Variants in DAB1 observed in about 807,000 individuals in gnomAD.
The protein encoded by DAB1 is disabled homolog 1.
In DAB1, 15 loss-of-function variants were observed where a neutral mutation model predicts 64.6. The observed-to-expected ratio is 0.23, with a 90% confidence interval of 0.16 to 0.36. The LOEUF (loss-of-function observed/expected upper bound fraction) is 0.36, where lower values mean the gene tolerates loss of function less well. Among genes scored for constraint, DAB1 ranks in the 10% least tolerant of loss-of-function variants. The pLI is 1.00. For missense variants in DAB1, 596 were observed against 706.7 expected (o/e 0.84, Z 1.78); for synonymous variants, 235 against 251.9 (o/e 0.93, Z 0.64).
chr1:58,338,950 G>A (rs909531957), intron 4 of DAB1, among the ~76,000 whole-genome samples: 17 of 152,144 alleles, frequency 1.1e-4, no homozygotes, highest in African/African-American at 4.8e-5. Flanking sequence ...GAAATATCCA[G>A]AATAGGTAAA....
chr1:57,032,654 C>A (rs1436654676), intron 9 of DAB1, among the ~76,000 whole-genome samples: 1 of 152,124 alleles, frequency 6.6e-6, no homozygotes, highest in Non-Finnish European at 1.5e-5. Context: ...TGGTTCCCAC[C>A]CCTAAAGATT....
chr1:58,042,501 A>G (rs1647151604), intron 5 of DAB1, among the ~76,000 whole-genome samples: 1 of 152,200 alleles, frequency 6.6e-6, no homozygotes, highest in African/African-American at 2.4e-5. Context: ...AGCAGGTTGT[A>G]CACACCCAAA....
chr1:57,363,842 C>T (rs1417232481), intron 1 of DAB1, among the ~76,000 whole-genome samples: 1 of 152,174 alleles, frequency 6.6e-6, no homozygotes, highest in Non-Finnish European at 1.5e-5. Context: ...TGTTCCACTG[C>T]ACCAGCTGCT....
At chr1:57,161,517 C>G (rs1223451151) in intron 2 of DAB1, among the ~76,000 whole-genome samples, 1 of 152,154 alleles carries the variant, frequency 6.6e-6, no homozygotes, top group Non-Finnish European at 1.5e-5. Flanking sequence ...CAACTTGCTT[C>G]CCTTTGGCTA....
chr1:57,794,510 T>C (rs551665529), intron 6 of DAB1, among the ~76,000 whole-genome samples: 2 of 152,332 alleles, frequency 1.3e-5, no homozygotes, highest in South Asian at 4.1e-4. Flanking sequence ...CAGCTTATCC[T>C]ACAAGCCTCA....
Position 58,332,835 on chromosome 1 carries a change from T to C in DAB1, n.309+10517A>G, listed in dbSNP as rs756563934. Among the ~76,000 whole-genome samples the C allele has an allele frequency of 3.9e-5, 6 of 152,216 alleles. No individual in the cohort carries two copies. The East Asian group carries it at 7.7e-4, about 20-fold the overall frequency. Reference sequence around the variant, plus strand: ...AGGTTGTCAGCTTTATTTTCTCTCATACTTTCATTCTCAAGGGAGGAAATA... The same window carrying C: ...AGGTTGTCAGCTTTATTTTCTCTCACACTTTCATTCTCAAGGGAGGAAATA... On this transcript the variant is annotated intron_variant and non_coding_transcript_variant, in intron 4 of 20. Transcript: ENST00000485760.
chr1:57,519,307 A>T (rs1454822554), intron 7 of DAB1, among the ~76,000 whole-genome samples: 1 of 152,182 alleles, frequency 6.6e-6, no homozygotes, highest in Non-Finnish European at 1.5e-5. Flanking sequence ...GGGCAAGTTG[A>T]GATAAGCCTG....
At chr1:57,771,728 A>G (rs1467534835) in intron 6 of DAB1, among the ~76,000 whole-genome samples, 3 of 152,044 alleles carry the variant, frequency 2.0e-5, no homozygotes, top group African/African-American at 7.2e-5. Context: ...TTTTATTATA[A>G]TGTTTTCAGT....
intron 1 of DAB1, among the ~76,000 whole-genome samples, chr1:57,882,531 C>G (rs1644160394): frequency 3.3e-5 from 5 of 152,200 alleles, no homozygotes; most frequent in Admixed American, 2.6e-4. Flanking sequence ...CCCTCAGCAT[C>G]TAGCCTAGCT....
intron 1 of DAB1, among the ~76,000 whole-genome samples, chr1:57,294,047 T>G (rs1672996138): frequency 6.6e-6 from 1 of 152,184 alleles, no homozygotes; most frequent in Admixed American, 6.5e-5. Context: ...TGGCATCCCC[T>G]TTAATTTTCC....
intron 7 of DAB1, among the ~76,000 whole-genome samples, chr1:57,449,816 T>A (rs1686284777): frequency 6.6e-6 from 1 of 152,230 alleles, no homozygotes; most frequent in Non-Finnish European, 1.5e-5. Flanking sequence ...GTGTCTATTA[T>A]CTTTATCCAG....
At chr1:58,075,461 G>A (rs1372146927) in intron 5 of DAB1, among the ~76,000 whole-genome samples, 1 of 152,186 alleles carries the variant, frequency 6.6e-6, no homozygotes, top group Non-Finnish European at 1.5e-5. Context: ...AGTTACTGTG[G>A]AGGCCTGTGT....
chr1:58,330,452 T>C (rs1302391564), intron 4 of DAB1, among the ~76,000 whole-genome samples: 1 of 152,242 alleles, frequency 6.6e-6, no homozygotes, highest in Non-Finnish European at 1.5e-5. Flanking sequence ...CTAGCTAAGA[T>C]AATTTATGAA....
intron 2 of DAB1, among the ~76,000 whole-genome samples, chr1:57,189,839 G>A (rs1457279633): frequency 8.1e-6 from 1 of 123,036 alleles, no homozygotes; most frequent in Non-Finnish European, 1.9e-5. Flanking sequence ...ATTGCAAAGG[G>A]AAGGGGAAAA....
At chr1:57,844,863 G>T (rs72666110) in intron 1 of DAB1, among the ~76,000 whole-genome samples, 10,981 of 152,130 alleles carry the variant, frequency 0.072, 640 homozygotes, top group Admixed American at 0.21. Flanking sequence ...CACCTGCCCA[G>T]GTAACAGTTA....
chr1:57,984,918 T>TG (rs1191559377), intron 5 of DAB1, among the ~76,000 whole-genome samples: 6 of 151,240 alleles, frequency 4.0e-5, no homozygotes, highest in Non-Finnish European at 8.9e-5. Context: ...TTGTTGTTGT[T>TG]TTTTTTTTGA....
At chr1:58,130,617 A>T (rs2100693895) in intron 5 of DAB1, among the ~76,000 whole-genome samples, 1 of 152,132 alleles carries the variant, frequency 6.6e-6, no homozygotes, top group Admixed American at 6.5e-5. Flanking sequence ...TTCCATATTT[A>T]GTCCTTCCTT....
At chr1:57,621,366 A>G (rs1645857304) in intron 7 of DAB1, among the ~76,000 whole-genome samples, 1 of 150,732 alleles carries the variant, frequency 6.6e-6, no homozygotes, top group Non-Finnish European at 1.5e-5. Flanking sequence ...TGCTTTTGTG[A>G]GGGAATAACA....
chr1:57,401,036 G>A (rs1393415440), intron 1 of DAB1, among the ~76,000 whole-genome samples: 1 of 147,454 alleles, frequency 6.8e-6, no homozygotes, highest in Non-Finnish European at 1.5e-5. Flanking sequence ...CACCAAAAAG[G>A]CCATATTTTG....
Sources: gnomAD v4.1 joint callset for allele counts (sites outside exome capture counted in the v4.1 genomes callset) on GRCh38, gnomAD v4.1.1 for gene constraint, MANE v1.5 for transcripts, NCBI Gene and HGNC (gene_info 2026-07-23, HGNC 2026-07-21) for gene names.